Variants in NIPSNAP3B observed in about 807,000 individuals in gnomAD.
The protein encoded by NIPSNAP3B is nipsnap homolog 3B, also known as protein NipSnap homolog 3B.
A neutral mutation model predicts 31.5 loss-of-function variants in NIPSNAP3B; 30 were observed. That is an observed-to-expected ratio of 0.95 (90% CI 0.71 to 1.29). NIPSNAP3B has a LOEUF of 1.29. Ranked by LOEUF, NIPSNAP3B falls within the 50% of genes most tolerant of loss-of-function variation. The pLI is 0.00. For missense variants in NIPSNAP3B, 269 were observed against 300.7 expected, an observed-to-expected ratio of 0.89 and a Z score of 0.78; for synonymous variants, 106 against 107.9, an observed-to-expected ratio of 0.98 and a Z score of 0.11.
the NIPSNAP3B span, among the ~76,000 whole-genome samples, chr9:104,787,340 G>A: frequency 6.6e-6 from 1 of 151,974 alleles, no homozygotes; most frequent in Non-Finnish European, 1.5e-5. Context: ...TAAGATTGGG[G>A]TGAAATTCCT....
At chr9:104,785,237 A>C in the NIPSNAP3B span, among the ~76,000 whole-genome samples, 1 of 152,200 alleles carries the variant, frequency 6.6e-6, no homozygotes, top group African/African-American at 2.4e-5. Context: ...CTCCCTTTTC[A>C]GGTTCAGAGA....
At chr9:104,789,047 C>G in the NIPSNAP3B span, among the ~76,000 whole-genome samples, 5 of 152,168 alleles carry the variant, frequency 3.3e-5, no homozygotes, top group African/African-American at 1.2e-4. Context: ...TGAAGCCAGT[C>G]AAGTGAAGAA....
At chr9:104,771,033 G>A in intron 4 of NIPSNAP3B, 35 bp downstream of exon 4, 7 of 1,602,416 alleles carry the variant, frequency 4.4e-6, no homozygotes, top group Non-Finnish European at 6.0e-6. Flanking sequence ...AAGTTGCCAT[G>A]TGTATTAGAT....
At position 104,773,766 on chromosome 9, in the gene NIPSNAP3B, T is replaced by G. The variant is rs1293462577; in HGVS notation, c.*693T>G. On this transcript the variant is annotated 3_prime_UTR_variant, in exon 6 of 6. Transcript: ENST00000374762. ...ACTTAGTTTGGATCACTAACAGAGA[T>G]CTTGGGACATTTATTTGTTTTAAAG... 6.6e-6 allele frequency: 1 copy of G among 152,192 alleles called. No individual in the cohort carries two copies. The highest frequency in any genetic ancestry group is 1.5e-5 in the Non-Finnish European group (1 of 68,006). The allele number at this position is 152,192 out of a possible 1,614,324, so 9.4% of individuals were successfully genotyped here.
chr9:104,777,707 G>A lies in NIPSNAP3B; in HGVS notation c.*4634G>A, dbSNP rs1323265176. Among the ~76,000 whole-genome samples the A allele has an allele frequency of 1.3e-5, 2 of 152,208 alleles. No individual in the cohort carries two copies. The highest frequency in any genetic ancestry group is 2.4e-5 in the African/African-American group (1 of 41,448). ...AAAGGAAGGGCACGATGATGCCCAG[G>A]TGCAGCCTATATTATTAACAGACAA... On this transcript the variant is annotated 3_prime_UTR_variant, in exon 6 of 6. Transcript: ENST00000374762.
chr9:104,784,573 A>C, the NIPSNAP3B span: 2 of 1,213,402 alleles, frequency 1.6e-6, no homozygotes, highest in East Asian at 4.9e-5. Context: ...GAATTACATA[A>C]ATGGATTAAC....
chr9:104,790,773 T>C, the NIPSNAP3B span: 1 of 605,292 alleles, frequency 1.7e-6, no homozygotes. Flanking sequence ...AAATCATGGA[T>C]GATTTTATGT....
At chr9:104,782,491 T>C (rs1387776601), downstream of NIPSNAP3B, 1 of 152,202 alleles carries the variant, frequency 6.6e-6, no homozygotes, top group Non-Finnish European at 1.5e-5. Context: ...AGTTCTCTCA[T>C]ATTTTTCTTT....
rs1318499556 is a variant in NIPSNAP3B at position 104,774,878 on chromosome 9, C to T, written c.*1805C>T. On this transcript the variant is annotated 3_prime_UTR_variant, in exon 6 of 6. Coordinates refer to ENST00000374762, the MANE Select transcript of NIPSNAP3B (RefSeq NM_018376.4). ...TTCTTTCATTCTCTTCGATGACTCC[C>T]AGCACCTGCGCGTCCATCTTCATTC... 6.6e-6 allele frequency among the ~76,000 whole-genome samples: 1 copy of T among 152,056 alleles called. No homozygotes were observed. Among genetic ancestry groups the T allele is most frequent in the Non-Finnish European group, 1.5e-5 (1 of 68,014 alleles).
the NIPSNAP3B span, chr9:104,786,404 G>C: frequency 6.2e-7 from 1 of 1,610,568 alleles, no homozygotes; most frequent in Middle Eastern, 1.6e-4. Context: ...CGGTAAAACA[G>C]AAAGAGGTTT....
At chr9:104,767,635 G>A (rs1316454838) in intron 2 of NIPSNAP3B, among the ~76,000 whole-genome samples, 1 of 151,990 alleles carries the variant, frequency 6.6e-6, no homozygotes, top group East Asian at 1.9e-4. Flanking sequence ...GTTGAAACAT[G>A]TCCCATTGAA....
At chr9:104,768,724 T>C (rs10761083) in intron 2 of NIPSNAP3B, 139 bp from the exon 3 acceptor site, 112,877 of 629,794 alleles carry the variant, frequency 0.18, 11,350 homozygotes, top group East Asian at 0.28. Flanking sequence ...TCACATATAT[T>C]TATGTTGGCA....
the NIPSNAP3B span, chr9:104,786,939 C>T: frequency 8.1e-6 from 13 of 1,613,880 alleles, no homozygotes; most frequent in Admixed American, 6.7e-5. Flanking sequence ...CCACAAGAAC[C>T]GCCGGGCTTT....
chr9:104,788,041 GC>G, the NIPSNAP3B span: 1 of 1,614,112 alleles, frequency 6.2e-7, no homozygotes, highest in South Asian at 1.1e-5. Context: ...TTTCCGAATC[GC>G]CCACTCACCA....
chr9:104,779,729 G>A (rs1024848982), downstream of NIPSNAP3B, among the ~76,000 whole-genome samples: 6 of 151,012 alleles, frequency 4.0e-5, no homozygotes, highest in African/African-American at 1.5e-4. Flanking sequence ...GAATGTTTTA[G>A]TCAAGGCTCA....
the NIPSNAP3B span, chr9:104,785,607 A>G: frequency 6.2e-7 from 1 of 1,614,132 alleles, no homozygotes; most frequent in East Asian, 2.2e-5. Flanking sequence ...GGACCCTGCT[A>G]TTCGTACAAC....
rs1828292006 is a variant in NIPSNAP3B, at chr9:104,774,484, A to G, written c.*1411A>G. ...CTACACATAAATTACCAATAAAATT[A>G]AAAGTTAACTAAAATACTACAGAAG... On this transcript the variant is annotated 3_prime_UTR_variant, in exon 6 of 6. Transcript: ENST00000374762. Among the ~76,000 whole-genome samples, 1 of 152,252 alleles carries G rather than the reference A, an allele frequency of 6.6e-6. No individual in the cohort carries two copies. Among genetic ancestry groups the G allele is most frequent in the East Asian group, 1.9e-4 (1 of 5,200 alleles).
chr9:104,771,711 TA>T (rs1390929741), intron 4 of NIPSNAP3B, among the ~76,000 whole-genome samples: 1 of 152,192 alleles, frequency 6.6e-6, no homozygotes, highest in African/African-American at 2.4e-5. Flanking sequence ...GTCTTTATGG[TA>T]AAATGATTTA....
intron 3 of NIPSNAP3B, 123 bp downstream of exon 3, chr9:104,769,144 A>T (rs1828153170): frequency 4.4e-6 from 3 of 679,750 alleles, no homozygotes; most frequent in Non-Finnish European, 6.6e-6. Flanking sequence ...ATAATATATG[A>T]TGAGTCTGGA....
Sources: allele counts gnomAD v4.1 joint callset (sites outside exome capture counted in the v4.1 genomes callset), GRCh38; gene constraint gnomAD v4.1.1; transcripts MANE v1.5; gene names NCBI Gene and HGNC (gene_info 2026-07-23, HGNC 2026-07-21).